The following COL25A1 variants were observed in gnomAD, a reference collection of about 807,000 sequenced individuals.
COL25A1 encodes collagen type XXV alpha 1 chain.
Under a neutral mutation model 128.4 loss-of-function variants are expected in COL25A1, and 103 were observed. The observed-to-expected ratio is 0.80, with a 90% CI of 0.68 to 0.94. The LOEUF is 0.94. Among genes scored for constraint, COL25A1 ranks in the 40% least tolerant of loss-of-function variants. The pLI is 0.00. For synonymous variants in COL25A1, 279 were observed against 277.2 expected, an observed-to-expected ratio of 1.01 and a Z score of -0.06; for missense variants, 745 against 840.0, an observed-to-expected ratio of 0.89 and a Z score of 1.40.
intron 3 of COL25A1, among the ~76,000 whole-genome samples, chr4:109,184,838 T>TCAC (rs1299411522): frequency 6.6e-6 from 1 of 152,142 alleles, no homozygotes; most frequent in Non-Finnish European, 1.5e-5. Flanking sequence ...GATGAGGAAC[T>TCAC]CACCACCTTG....
intron 3 of COL25A1, among the ~76,000 whole-genome samples, chr4:109,180,599 T>C (rs1774532742): frequency 6.6e-6 from 1 of 152,104 alleles, no homozygotes; most frequent in Non-Finnish European, 1.5e-5. Context: ...GTGATAACGA[T>C]GATGATTATA....
chr4:108,964,934 C>T (rs1751124443), intron 8 of COL25A1, among the ~76,000 whole-genome samples: 1 of 152,100 alleles, frequency 6.6e-6, no homozygotes, highest in South Asian at 2.1e-4. Flanking sequence ...TATCCATTCC[C>T]TTTTCTCAGG....
chr4:109,208,399 G>A lies in COL25A1; in HGVS notation c.367+92184C>T, dbSNP rs561827695. On this transcript the variant is annotated intron_variant, in intron 3 of 37. Transcript: ENST00000399132. ...AGACGCTGTTCCACGCCCTAAGGAT[G>A]CAGCCTCCACCTCACTCTGCACTTC... Among the ~76,000 whole-genome samples the A allele has an allele frequency of 1.2e-3, 177 of 151,518 alleles. 1 individual carries two copies. The highest frequency in any genetic ancestry group is 4.2e-3 in the African/African-American group (172 of 41,260).
chr4:109,296,366 G>T (rs1724990895), intron 3 of COL25A1, among the ~76,000 whole-genome samples: 1 of 152,062 alleles, frequency 6.6e-6, no homozygotes, highest in East Asian at 1.9e-4. Context: ...AGAGATTTTA[G>T]TCATCTGCCC....
chr4:109,230,253 GAATAATAAGGATCAACTATACTCTC>G (rs1779074675), intron 3 of COL25A1, among the ~76,000 whole-genome samples: 1 of 152,106 alleles, frequency 6.6e-6, no homozygotes, highest in African/African-American at 2.4e-5. Context: ...CAAAATCAAT[GAATAATAAGGATCAACTATACTCTC>G]ACCATCATGG....
chr4:108,962,006 A>G (rs558114190), intron 8 of COL25A1, among the ~76,000 whole-genome samples: 1 of 152,274 alleles, frequency 6.6e-6, no homozygotes, highest in South Asian at 2.1e-4. Context: ...TCTTTTGAAG[A>G]CATCGCAAAT....
intron 5 of COL25A1, chr4:109,021,820 G>A (rs765125076): frequency 3.6e-5 from 16 of 446,786 alleles, no homozygotes; most frequent in African/African-American, 1.8e-4. Context: ...TGTCCTATGC[G>A]GTTGAGATAA....
chr4:109,012,286 T>G (rs1450274469), intron 5 of COL25A1, among the ~76,000 whole-genome samples: 2 of 152,248 alleles, frequency 1.3e-5, no homozygotes, highest in Non-Finnish European at 2.9e-5. Flanking sequence ...TCCAGATCCA[T>G]GTACTGGGTG....
chr4:109,279,102 T>TG (rs1406642248), intron 3 of COL25A1, among the ~76,000 whole-genome samples: 14 of 141,564 alleles, frequency 9.9e-5, no homozygotes, highest in African/African-American at 3.5e-4. Flanking sequence ...TTTTAACATA[T>TG]GAGTTTTGGG....
Position 109,057,361 on chromosome 4 carries a change from G to T in COL25A1, c.368-7182C>A, listed in dbSNP as rs933372026. Among the ~76,000 whole-genome samples, 7 of 145,132 alleles carry T rather than the reference G, an allele frequency of 4.8e-5. No homozygotes were observed. The East Asian group carries it at 1.5e-3, about 32-fold the overall frequency. On this transcript the variant is annotated intron_variant, in intron 3 of 37. Coordinates refer to ENST00000399132, the MANE Select transcript of COL25A1 (RefSeq NM_198721.4). ...CAGCTCACTGCAACCTTCACCTCCTGAGTCCAAGCGATTCTCCTACCTTAG... is the reference window on the plus strand; with the variant it reads ...CAGCTCACTGCAACCTTCACCTCCTTAGTCCAAGCGATTCTCCTACCTTAG...
In COL25A1 at chr4:109,048,193, GGAGAGAGAAGA is replaced by G; in HGVS notation, c.413-29_413-19del. 2 of 1,609,598 alleles carry G rather than the reference GGAGAGAGAAGA, an allele frequency of 1.2e-6. No individual in the cohort carries two copies. The highest frequency in any genetic ancestry group is 2.2e-5 in the South Asian group (2 of 90,920). On this transcript the variant is annotated intron_variant, in intron 4 of 37. Coordinates refer to ENST00000399132, the MANE Select transcript of COL25A1 (RefSeq NM_198721.4). ...AGGAGGACCTATGGGGGGAGCAGGT[GGAGAGAGAAGA>G]GAGAGAGAGGAGTTAGTGAATATGC... is the stretch of plus-strand genomic sequence containing the variant.
intron 5 of COL25A1, among the ~76,000 whole-genome samples, chr4:109,047,433 T>G (rs1760535974): frequency 6.6e-6 from 1 of 151,826 alleles, no homozygotes; most frequent in Non-Finnish European, 1.5e-5. Context: ...GCTATGAGGA[T>G]GCAAAGGCAT....
At chr4:108,947,897 G>C (rs1748962882) in intron 8 of COL25A1, among the ~76,000 whole-genome samples, 1 of 152,056 alleles carries the variant, frequency 6.6e-6, no homozygotes, top group Non-Finnish European at 1.5e-5. Context: ...GGCCCCAATA[G>C]CAAGTCATAT....
chr4:109,168,612 T>C (rs1483023784), intron 3 of COL25A1, among the ~76,000 whole-genome samples: 1 of 152,154 alleles, frequency 6.6e-6, no homozygotes, highest in African/African-American at 2.4e-5. Flanking sequence ...GGAGTTCCAG[T>C]TCCCATTGAC....
At chr4:109,209,834 T>C (rs1034210195) in intron 3 of COL25A1, among the ~76,000 whole-genome samples, 1 of 151,874 alleles carries the variant, frequency 6.6e-6, no homozygotes, top group Non-Finnish European at 1.5e-5. Context: ...GGGCGGATCA[T>C]TTGAGGTCAG....
chr4:108,979,766 GCTCA>G (rs769833415), intron 6 of COL25A1, among the ~76,000 whole-genome samples: 16 of 152,156 alleles, frequency 1.1e-4, no homozygotes, highest in Non-Finnish European at 1.8e-4. Flanking sequence ...AGAATTTCTG[GCTCA>G]CTATCAGCCA....
At chr4:108,831,106 C>A (rs922298373) in intron 32 of COL25A1, among the ~76,000 whole-genome samples, 1 of 147,210 alleles carries the variant, frequency 6.8e-6, no homozygotes, top group Admixed American at 6.8e-5. Flanking sequence ...TTCCTTCATG[C>A]ATTTTTTTTT....
chr4:108,848,284 C>A (rs1735343692), intron 27 of COL25A1, among the ~76,000 whole-genome samples: 1 of 152,206 alleles, frequency 6.6e-6, no homozygotes, highest in South Asian at 2.1e-4. Flanking sequence ...CTACCATACT[C>A]TGTCAAGCTA....
intron 8 of COL25A1, among the ~76,000 whole-genome samples, chr4:108,947,989 C>T (rs1287253246): frequency 6.6e-6 from 1 of 152,142 alleles, no homozygotes; most frequent in Non-Finnish European, 1.5e-5. Flanking sequence ...ATTCTGTTTG[C>T]CCAAAATACA....
Sources: allele counts gnomAD v4.1 joint callset (sites outside exome capture counted in the v4.1 genomes callset), GRCh38; gene constraint gnomAD v4.1.1; transcripts MANE v1.5; gene names NCBI Gene and HGNC (gene_info 2026-07-23, HGNC 2026-07-21).